The following GRIK2 variants were observed in gnomAD, a reference collection of about 807,000 sequenced individuals.
GRIK2 encodes glutamate receptor ionotropic, kainate 2.
A neutral mutation model predicts 100.3 loss-of-function variants in GRIK2; 32 were observed. That is an observed-to-expected ratio of 0.32 (90% CI 0.24 to 0.43). The LOEUF (loss-of-function observed/expected upper bound fraction) is 0.43, where lower values mean the gene tolerates loss of function less well. Ranked by LOEUF, GRIK2 falls within the 20% of genes least tolerant of loss-of-function variation. The pLI is 1.00. For missense variants in GRIK2, 843 were observed against 1,114.9 expected (o/e 0.76, Z 3.47); for synonymous variants, 417 against 389.4 (o/e 1.07, Z -0.83).
At chr6:101,723,656 CT>C (rs1225173522) in intron 7 of GRIK2, among the ~76,000 whole-genome samples, 1 of 151,974 alleles carries the variant, frequency 6.6e-6, no homozygotes, top group Non-Finnish European at 1.5e-5. Context: ...GCTGAAGAAT[CT>C]AACAACTAAA....
intron 7 of GRIK2, among the ~76,000 whole-genome samples, chr6:101,784,395 T>C (rs1779296386): frequency 6.6e-6 from 1 of 152,260 alleles, no homozygotes; most frequent in African/African-American, 2.4e-5. Context: ...CTTATGATTT[T>C]ACAGGCTTAT....
At chr6:101,458,271 A>G (rs1771114086) in intron 2 of GRIK2, among the ~76,000 whole-genome samples, 1 of 152,130 alleles carries the variant, frequency 6.6e-6, no homozygotes, top group Non-Finnish European at 1.5e-5. Context: ...TAAGAATTTT[A>G]TGCAACTGAC....
chr6:101,949,643 T>C (rs1476631822), intron 14 of GRIK2, among the ~76,000 whole-genome samples: 1 of 152,208 alleles, frequency 6.6e-6, no homozygotes, highest in Non-Finnish European at 1.5e-5. Flanking sequence ...CTGAGAATGA[T>C]GCTTTCTATC....
chr6:101,598,352 A>G (rs144421415), intron 2 of GRIK2, among the ~76,000 whole-genome samples: 241 of 151,830 alleles, frequency 1.6e-3, no homozygotes, highest in African/African-American at 5.6e-3. Flanking sequence ...ACACCAGTTC[A>G]GTATTTAAAG....
chr6:101,874,207 T>C (rs1349530934), intron 11 of GRIK2, among the ~76,000 whole-genome samples: 2 of 152,260 alleles, frequency 1.3e-5, no homozygotes, highest in African/African-American at 4.8e-5. Context: ...CTAGGTTTTC[T>C]TCTAGAGTTT....
intron 4 of GRIK2, among the ~76,000 whole-genome samples, chr6:101,651,458 A>G (rs1781788576): frequency 6.6e-6 from 1 of 152,156 alleles, no homozygotes; most frequent in Non-Finnish European, 1.5e-5. Context: ...TTTATATTCT[A>G]GTGGAGGGAG....
intron 10 of GRIK2, among the ~76,000 whole-genome samples, chr6:101,828,324 G>A (rs117677841): frequency 0.011 from 1,665 of 151,962 alleles, 14 homozygotes; most frequent in Non-Finnish European, 0.019. Context: ...ACATCAAGAA[G>A]ATAGAAAGAT....
At chr6:101,948,676 C>A (rs997277285) in intron 14 of GRIK2, among the ~76,000 whole-genome samples, 1 of 151,824 alleles carries the variant, frequency 6.6e-6, no homozygotes, top group Non-Finnish European at 1.5e-5. Context: ...GGTCCCACTA[C>A]GTTGCCCAGA....
chr6:101,695,196 G>C (rs1768809532), intron 7 of GRIK2, among the ~76,000 whole-genome samples: 1 of 152,030 alleles, frequency 6.6e-6, no homozygotes, highest in Non-Finnish European at 1.5e-5. Context: ...TCTGGTGAAA[G>C]CAACTGTCTG....
At chr6:102,016,841 A>T (rs1418043979) in intron 14 of GRIK2, among the ~76,000 whole-genome samples, 2 of 152,126 alleles carry the variant, frequency 1.3e-5, no homozygotes, top group East Asian at 3.9e-4. Flanking sequence ...CTCCAAGGTC[A>T]AAATGAAAAA....
intron 2 of GRIK2, among the ~76,000 whole-genome samples, chr6:101,542,010 G>T (rs1314750460): frequency 2.0e-5 from 3 of 151,974 alleles, no homozygotes; most frequent in Non-Finnish European, 2.9e-5. Flanking sequence ...ATATTTAAAT[G>T]ATAGTTATTC....
intron 2 of GRIK2, among the ~76,000 whole-genome samples, chr6:101,522,045 C>A (rs1020271749): frequency 2.0e-5 from 3 of 151,968 alleles, no homozygotes; most frequent in African/African-American, 7.2e-5. Context: ...CCTTAAGTTG[C>A]ATAACTGTAC....
intron 7 of GRIK2, among the ~76,000 whole-genome samples, chr6:101,793,943 G>T (rs139651287): frequency 6.6e-6 from 1 of 152,102 alleles, no homozygotes; most frequent in Non-Finnish European, 1.5e-5. Flanking sequence ...CCTCCCTGCC[G>T]CGTTGCAGTT....
intron 14 of GRIK2, among the ~76,000 whole-genome samples, chr6:101,934,319 A>C (rs545584497): frequency 6.6e-6 from 1 of 151,994 alleles, no homozygotes; most frequent in East Asian, 1.9e-4. Context: ...GATTATATTA[A>C]GTTTCTAAAA....
At chr6:101,804,018 G>A (rs147676530) in intron 9 of GRIK2, among the ~76,000 whole-genome samples, 1 of 151,844 alleles carries the variant, frequency 6.6e-6, no homozygotes, top group African/African-American at 2.4e-5. Flanking sequence ...TCCTCAAGGG[G>A]CTTTTCATGT....
intron 12 of GRIK2, among the ~76,000 whole-genome samples, chr6:101,910,618 T>C (rs943211426): frequency 3.9e-4 from 59 of 151,364 alleles, no homozygotes; most frequent in Non-Finnish European, 8.1e-4. Context: ...TATTTGAGCA[T>C]GTTGTACATG....
intron 2 of GRIK2, among the ~76,000 whole-genome samples, chr6:101,488,764 T>A (rs1420254765): frequency 6.8e-6 from 1 of 146,622 alleles, no homozygotes; most frequent in Non-Finnish European, 1.5e-5. Flanking sequence ...CTATTTAATT[T>A]TCAAAGTTTT....
intron 7 of GRIK2, among the ~76,000 whole-genome samples, chr6:101,765,439 TGTA>T (rs756218511): frequency 3.2e-4 from 48 of 152,290 alleles, no homozygotes; most frequent in Non-Finnish European, 4.9e-4. Flanking sequence ...TATATGTTAA[TGTA>T]GTAATATATA....
chr6:101,522,578 G>A (rs1485873071), intron 2 of GRIK2, among the ~76,000 whole-genome samples: 1 of 152,036 alleles, frequency 6.6e-6, no homozygotes, highest in African/African-American at 2.4e-5. Flanking sequence ...CACTTTTAAA[G>A]TACTTATTTC....
Sources: allele counts gnomAD v4.1 joint callset (sites outside exome capture counted in the v4.1 genomes callset), GRCh38; gene constraint gnomAD v4.1.1; transcripts MANE v1.5; gene names NCBI Gene and HGNC (gene_info 2026-07-23, HGNC 2026-07-21).